Variants in RIMS2 observed in about 807,000 individuals in gnomAD.
RIMS2 encodes regulating synaptic membrane exocytosis 2.
A neutral mutation model predicts 174.4 loss-of-function variants in RIMS2; 59 were observed. The observed-to-expected ratio is 0.34, with a 90% confidence interval of 0.27 to 0.42. The LOEUF is 0.42. Among genes scored for constraint, RIMS2 ranks in the 10% least tolerant of loss-of-function variants. The pLI is 1.00. For synonymous variants in RIMS2, 606 were observed against 572.5 expected, an observed-to-expected ratio of 1.06 and a Z score of -0.84; for missense variants, 1,620 against 1,666.3, an observed-to-expected ratio of 0.97 and a Z score of 0.48.
intron 19 of RIMS2, among the ~76,000 whole-genome samples, chr8:104,141,290 C>T (rs2098567886): frequency 6.6e-6 from 1 of 151,908 alleles, no homozygotes; most frequent in South Asian, 2.1e-4. Flanking sequence ...GTCTATTATT[C>T]AATAATTTGG....
At chr8:104,233,812 C>A (rs559190815) in intron 19 of RIMS2, among the ~76,000 whole-genome samples, 11 of 152,310 alleles carry the variant, frequency 7.2e-5, no homozygotes, top group African/African-American at 2.6e-4. Flanking sequence ...TTCAGCCAAA[C>A]GCCTCATTAG....
At chr8:104,140,532 T>C (rs770283712) in intron 19 of RIMS2, among the ~76,000 whole-genome samples, 3 of 152,312 alleles carry the variant, frequency 2.0e-5, no homozygotes, top group Non-Finnish European at 2.9e-5. Context: ...AAATGGAGGC[T>C]TTGCACAAAT....
chr8:103,842,536 C>A (rs979405843), intron 3 of RIMS2, among the ~76,000 whole-genome samples: 2 of 152,034 alleles, frequency 1.3e-5, no homozygotes, highest in Non-Finnish European at 2.9e-5. Context: ...GCCTTTTCTT[C>A]TCTTCAGGAT....
intron 6 of RIMS2, among the ~76,000 whole-genome samples, chr8:103,914,785 A>G (rs1440528659): frequency 6.6e-6 from 1 of 152,142 alleles, no homozygotes; most frequent in Non-Finnish European, 1.5e-5. Flanking sequence ...AAATTGAGAT[A>G]TTGACTGAAT....
chr8:104,133,102 C>T (rs1321129478), intron 19 of RIMS2, among the ~76,000 whole-genome samples: 1 of 152,202 alleles, frequency 6.6e-6, no homozygotes, highest in African/African-American at 2.4e-5. Flanking sequence ...GGTTCAAATA[C>T]TAGCAATGAA....
At chr8:103,786,757 G>T (rs943835218) in intron 3 of RIMS2, among the ~76,000 whole-genome samples, 4 of 152,276 alleles carry the variant, frequency 2.6e-5, no homozygotes, top group Admixed American at 6.5e-5. Context: ...GTTGATTTGG[G>T]GTGGAGAGTT....
At chr8:103,706,490 TG>T (rs2097229357) in intron 2 of RIMS2, among the ~76,000 whole-genome samples, 1 of 152,200 alleles carries the variant, frequency 6.6e-6, no homozygotes, top group African/African-American at 2.4e-5. Flanking sequence ...ATAGGTCTAG[TG>T]GTAATGAATT....
At chr8:104,159,076 G>A (rs1260966242) in intron 19 of RIMS2, among the ~76,000 whole-genome samples, 1 of 152,082 alleles carries the variant, frequency 6.6e-6, no homozygotes, top group East Asian at 1.9e-4. Context: ...TTTTGTATAA[G>A]GTGTAAGGGA....
chr8:103,808,417 G>A (rs895468209), intron 3 of RIMS2, among the ~76,000 whole-genome samples: 1 of 151,886 alleles, frequency 6.6e-6, no homozygotes, highest in Admixed American at 6.6e-5. Flanking sequence ...TTTTATCTCC[G>A]GGTGATCTCA....
At chr8:103,707,076 C>A (rs1006210918) in intron 2 of RIMS2, among the ~76,000 whole-genome samples, 4 of 152,134 alleles carry the variant, frequency 2.6e-5, no homozygotes, top group African/African-American at 7.2e-5. Context: ...CATTCTAATG[C>A]ATTTCTTTTA....
intron 1 of RIMS2, among the ~76,000 whole-genome samples, chr8:103,588,786 G>A (rs988271121): frequency 7.2e-5 from 11 of 151,806 alleles, no homozygotes; most frequent in Non-Finnish European, 1.0e-4. Context: ...TGAAATTTAG[G>A]ACTTCAAACT....
chr8:103,599,913 T>C (rs965066908), intron 1 of RIMS2, among the ~76,000 whole-genome samples: 2 of 152,202 alleles, frequency 1.3e-5, no homozygotes, highest in Admixed American at 6.5e-5. Flanking sequence ...TATACTCTTG[T>C]AGTTATTTAA....
chr8:104,159,420 C>A (rs2098746822), intron 19 of RIMS2, among the ~76,000 whole-genome samples: 1 of 152,008 alleles, frequency 6.6e-6, no homozygotes, highest in Non-Finnish European at 1.5e-5. Flanking sequence ...TAGTTTTTTC[C>A]AATTCTGTGA....
At chr8:103,762,927 GA>G (rs1378403633) in intron 2 of RIMS2, among the ~76,000 whole-genome samples, 1 of 152,110 alleles carries the variant, frequency 6.6e-6, no homozygotes, top group Non-Finnish European at 1.5e-5. Flanking sequence ...TTTAAATATA[GA>G]AAAGGCATGG....
At chr8:104,177,380 G>A (rs1437119373) in intron 19 of RIMS2, among the ~76,000 whole-genome samples, 2 of 152,018 alleles carry the variant, frequency 1.3e-5, no homozygotes, top group African/African-American at 2.4e-5. Flanking sequence ...GACTACATTA[G>A]GATGGCAAAT....
intron 4 of RIMS2, among the ~76,000 whole-genome samples, chr8:103,899,206 G>A (rs1340392967): frequency 1.3e-5 from 2 of 151,698 alleles, no homozygotes. Context: ...CTTTATAGCA[G>A]CATGATTTAT....
intron 19 of RIMS2, among the ~76,000 whole-genome samples, chr8:104,064,806 A>G (rs1281502543): frequency 6.6e-6 from 1 of 152,030 alleles, no homozygotes; most frequent in Non-Finnish European, 1.5e-5. Flanking sequence ...TGTATTTGTC[A>G]AAGAAATTGG....
intron 6 of RIMS2, among the ~76,000 whole-genome samples, chr8:103,915,142 T>C (rs560374268): frequency 6.6e-6 from 1 of 152,206 alleles, no homozygotes; most frequent in East Asian, 1.9e-4. Context: ...TTTACATCTA[T>C]AACTAGAAAT....
Position 103,924,390 on chromosome 8 carries a change from G to T in RIMS2, c.2196+2606G>T, listed in dbSNP as rs565621602. Among the ~76,000 whole-genome samples, 3 of 151,708 alleles carry T rather than the reference G, an allele frequency of 2.0e-5. No homozygotes were observed. The East Asian group carries it at 5.8e-4, about 29-fold the overall frequency. On this transcript the variant is annotated intron_variant, in intron 10 of 23. Coordinates refer to ENST00000504942, the Ensembl canonical transcript of RIMS2. ...GCATCCAGGAAAACATAACTAAGAT[G>T]CTATCTTGTATATAATAGTTCCCTT...
Sources: gnomAD v4.1 joint callset for allele counts (sites outside exome capture counted in the v4.1 genomes callset) on GRCh38, gnomAD v4.1.1 for gene constraint, MANE v1.5 for transcripts, NCBI Gene and HGNC (gene_info 2026-07-23, HGNC 2026-07-21) for gene names.